Variants in PPP1R7 observed in about 807,000 individuals in gnomAD.
PPP1R7 encodes the protein protein phosphatase 1 regulatory subunit 22.
In PPP1R7, 18 loss-of-function variants were observed where a neutral mutation model predicts 45.2. The ratio of observed to expected loss-of-function variants is 0.40; its 90% CI spans 0.28 to 0.59. The LOEUF is 0.59. Ranked by LOEUF, PPP1R7 falls within the 20% of genes least tolerant of loss-of-function variation. PPP1R7 has a pLI of 0.46. For synonymous variants in PPP1R7, 181 were observed against 183.4 expected (o/e 0.99, Z 0.11); for missense variants, 314 against 455.8 (o/e 0.69, Z 2.83).
chr2:241,161,845 G>A (rs1373691), intron 6 of PPP1R7, among the ~76,000 whole-genome samples: 117,229 of 152,112 alleles, frequency 0.77, 45,339 homozygotes, highest in East Asian at 0.92. Flanking sequence ...CTTGAGCCCC[G>A]TGCCTGGCTC....
intron 9 of PPP1R7, among the ~76,000 whole-genome samples, chr2:241,178,125 G>C (rs969865109): frequency 6.6e-6 from 1 of 152,102 alleles, no homozygotes; most frequent in Non-Finnish European, 1.5e-5. Context: ...TGCAAGGAGC[G>C]GGGGGCACAG....
chr2:241,169,980 TCCGCA>T, intron 9 of PPP1R7, 113 bp downstream of exon 9: 1 of 857,920 alleles, frequency 1.2e-6, no homozygotes, highest in Non-Finnish European at 1.9e-6. Context: ...GCTGAGTGAC[TCCGCA>T]CATCATGAGA....
chr2:241,160,247 A>C, intron 5 of PPP1R7, 85 bp from the exon 6 acceptor site: 13 of 821,210 alleles, frequency 1.6e-5, no homozygotes, highest in East Asian at 8.5e-5. Context: ...CCTGATGGGG[A>C]CGCCACCTTT....
chr2:241,158,658 G>A lies in PPP1R7; in HGVS notation c.303+109G>A, dbSNP rs1459542362. Reference sequence around the variant, plus strand: ...GTGGTCCTTGTCCCAGCCTGTGGGCGGCGTGGCTGCCTCCACCTTGTAGCA... The same window carrying A: ...GTGGTCCTTGTCCCAGCCTGTGGGCAGCGTGGCTGCCTCCACCTTGTAGCA... On this transcript the variant is annotated intron_variant, in intron 4 of 9. Transcript: ENST00000234038. 84 of 1,106,282 alleles carry A rather than the reference G, an allele frequency of 7.6e-5. No individual in the cohort carries two copies. In the Admixed American group the frequency reaches 9.9e-4, roughly 13 times the overall value. The allele number at this position is 1,106,282 out of a possible 1,614,324, so 68.5% of individuals were successfully genotyped here.
At chr2:241,161,055 C>T (rs1416354517) in intron 6 of PPP1R7, among the ~76,000 whole-genome samples, 1 of 137,646 alleles carries the variant, frequency 7.3e-6, no homozygotes, top group Non-Finnish European at 1.6e-5. Context: ...TCATGGTCAT[C>T]TTCTCTGGCA....
Position 241,159,022 on chromosome 2 carries a change from T to C in PPP1R7, c.304-191T>C. ...TTGGGTTCCCGCCCTTCCTCAGGTG[T>C]GTTAAGGAATTATAGCTTAGTGCCC... is the stretch of plus-strand genomic sequence containing the variant. On this transcript the variant is annotated intron_variant, in intron 4 of 9. Coordinates refer to ENST00000234038, the MANE Select transcript of PPP1R7 (RefSeq NM_002712.3). 8 of 632,534 alleles carry C rather than the reference T, an allele frequency of 1.3e-5. No individual in the cohort carries two copies. The South Asian group carries it at 1.3e-4, about 11-fold the overall frequency. 39.2% of individuals were successfully genotyped at this position (632,534 alleles called of 1,614,324 possible). A position where few individuals can be genotyped will look rare whatever the true frequency, so the allele number is the denominator to read the frequency against.
chr2:241,181,329 C>G lies in PPP1R7; in HGVS notation c.907-1318C>G, dbSNP rs1056059225. 3.3e-5 allele frequency among the ~76,000 whole-genome samples: 5 copies of G among 152,248 alleles called. No homozygotes were observed. The East Asian group carries it at 7.7e-4, about 24-fold the overall frequency. On this transcript the variant is annotated intron_variant, in intron 9 of 9. Transcript: ENST00000234038. ...CTGTGACAGTGGACCTGGTGCAAAA[C>G]TAGCCCTCCTGCCACAGACAGATAG...
chr2:241,163,243 C>G (rs1162382313), intron 6 of PPP1R7, 42 bp from the exon 7 acceptor site: 1 of 1,386,168 alleles, frequency 7.2e-7, no homozygotes, highest in Admixed American at 1.8e-5. Context: ...CTGGGGCAGC[C>G]TGTCAACTGC....
intron 9 of PPP1R7, among the ~76,000 whole-genome samples, chr2:241,179,732 C>T (rs1373482772): frequency 2.0e-5 from 3 of 152,206 alleles, no homozygotes; most frequent in African/African-American, 7.2e-5. Flanking sequence ...AACATCTTTG[C>T]CCCATCCTGG....
In PPP1R7 at chr2:241,159,979, C is replaced by T. The variant is rs540572278; in HGVS notation, c.435-353C>T. ...GCTTGTTTTGTTTCTGTTTCTAATTCAATACTTCTCAGGCCCCTTCTGTGT... is the reference window on the plus strand; with the variant it reads ...GCTTGTTTTGTTTCTGTTTCTAATTTAATACTTCTCAGGCCCCTTCTGTGT... On this transcript the variant is annotated intron_variant, in intron 5 of 9. Transcript: ENST00000234038. Among the ~76,000 whole-genome samples the T allele has an allele frequency of 3.7e-4, 57 of 152,344 alleles. 1 individual carries two copies. The highest frequency in any genetic ancestry group is 1.3e-3 in the African/African-American group (54 of 41,568).
At chr2:241,168,067 G>A (rs1467471071) in intron 8 of PPP1R7, among the ~76,000 whole-genome samples, 1 of 152,198 alleles carries the variant, frequency 6.6e-6, no homozygotes, top group Non-Finnish European at 1.5e-5. Flanking sequence ...TCCCTGACAG[G>A]TGTAGTTTCT....
intron 8 of PPP1R7, among the ~76,000 whole-genome samples, chr2:241,168,941 C>T (rs1463179435): frequency 6.6e-6 from 1 of 152,198 alleles, no homozygotes; most frequent in African/African-American, 2.4e-5. Context: ...GGAAGGGACT[C>T]AGGAGGGAGC....
intron 1 of PPP1R7, 36 bp downstream of exon 1, chr2:241,150,583 A>C: frequency 6.4e-7 from 1 of 1,572,146 alleles, no homozygotes; most frequent in South Asian, 1.2e-5. Context: ...CCAAGGGCCC[A>C]GCGGGCGGGG....
chr2:241,157,858 C>T lies in PPP1R7; in HGVS notation c.233C>T (p.Ala78Val). ...GAAACCATCAACCTGGACAGAGATG[C>T]AGAGGTAATGCCGCCTGCTCAGCCC... ...DMETINLDRD[A>V]EDVDLNHYRI... The change falls in exon 3 of 10, where the codon GCA becomes GTA. Residue 78 changes from alanine (A) to valine (V), a missense_variant. Transcript: ENST00000234038. 1 of 1,613,880 alleles carries T rather than the reference C, an allele frequency of 6.2e-7. No individual in the cohort carries two copies. Among genetic ancestry groups the T allele is most frequent in the Non-Finnish European group, 8.5e-7 (1 of 1,179,730 alleles).
chr2:241,169,924 T>A, intron 9 of PPP1R7, 57 bp downstream of exon 9: 2 of 1,320,652 alleles, frequency 1.5e-6, no homozygotes, highest in Non-Finnish European at 2.2e-6. Flanking sequence ...TCTCACTGAT[T>A]AAAATGTCTT....
At chr2:241,156,729 A>C (rs1054780662) in intron 2 of PPP1R7, among the ~76,000 whole-genome samples, 1 of 152,256 alleles carries the variant, frequency 6.6e-6, no homozygotes, top group Non-Finnish European at 1.5e-5. Flanking sequence ...ATCTAGTCAC[A>C]ATATACAGCC....
intron 9 of PPP1R7, among the ~76,000 whole-genome samples, chr2:241,177,814 A>T (rs1457726229): frequency 6.6e-6 from 1 of 152,196 alleles, no homozygotes; most frequent in East Asian, 1.9e-4. Context: ...TAGCCAGGGG[A>T]GGAGAAACAT....
chr2:241,180,358 C>T (rs1425308142), intron 9 of PPP1R7, among the ~76,000 whole-genome samples: 1 of 97,866 alleles, frequency 1.0e-5, no homozygotes, highest in Non-Finnish European at 1.9e-5. Flanking sequence ...TTGGGCTACA[C>T]ATAAAATACT....
chr2:241,182,562 A>G lies in PPP1R7; in HGVS notation c.907-85A>G, dbSNP rs563463232. On this transcript the variant is annotated intron_variant, in intron 9 of 9. Coordinates refer to ENST00000234038, the MANE Select transcript of PPP1R7 (RefSeq NM_002712.3). ...CCTGCTCGCCATCTTCTGAGTGGGA[A>G]GGAGGAGGGTGGCTAGTGGACCCCA... is the stretch of plus-strand genomic sequence containing the variant. 7.9e-6 allele frequency: 12 copies of G among 1,513,274 alleles called. No individual in the cohort carries two copies. The African/African-American group carries it at 1.6e-4, about 21-fold the overall frequency. 93.7% of individuals were successfully genotyped at this position (1,513,274 alleles called of 1,614,324 possible).
Sources: allele counts gnomAD v4.1 joint callset (sites outside exome capture counted in the v4.1 genomes callset), GRCh38; gene constraint gnomAD v4.1.1; transcripts MANE v1.5; gene names NCBI Gene and HGNC (gene_info 2026-07-23, HGNC 2026-07-21).